MSH6: variants seen among roughly 807,000 people sequenced by gnomAD.
MSH6 encodes the protein DNA mismatch repair protein Msh6.
MSH6 carries 85 observed loss-of-function variants against 119.1 expected under a neutral mutation model. That is an observed-to-expected ratio of 0.71 (90% CI 0.60 to 0.85). MSH6 has a LOEUF of 0.85. Ranked by LOEUF, MSH6 falls within the 40% of genes least tolerant of loss-of-function variation. MSH6 has a pLI of 0.00. For missense variants in MSH6, 2,163 were observed against 1,655.3 expected (o/e 1.31, Z -5.32); for synonymous variants, 830 against 586.9 (o/e 1.41, Z -5.99).
At chr2:47,788,907 C>CTTTTTTTTTTTTTTTTT (rs1558650117) in intron 1 of MSH6, among the ~76,000 whole-genome samples, 3 of 17,278 alleles carry the variant, frequency 1.7e-4, no homozygotes, top group Non-Finnish European at 3.1e-4. Context: ...TTTCTTCTTC[C>CTTTTTTTTTTTTTTTTT]TTTTTTTTTT....
At chr2:47,792,091 C>G (rs190829709) in intron 2 of MSH6, among the ~76,000 whole-genome samples, 1 of 152,146 alleles carries the variant, frequency 6.6e-6, no homozygotes, top group South Asian at 2.1e-4. Flanking sequence ...AGTAATCCAC[C>G]CACCTCCCCC....
At chr2:47,790,384 T>G (rs887721927) in intron 1 of MSH6, among the ~76,000 whole-genome samples, 2 of 152,066 alleles carry the variant, frequency 1.3e-5, no homozygotes, top group African/African-American at 4.8e-5. Context: ...TTGACTTGAG[T>G]TTTTCCGTAG....
At chr2:47,809,056 A>G (rs2104620231), downstream of MSH6, 10 of 667,488 alleles carry the variant, frequency 1.5e-5, no homozygotes, top group Non-Finnish European at 2.6e-5. Context: ...TCAGTTAGTT[A>G]TAGTCTCAAC....
chr2:47,802,613 A>G (rs1420321707), intron 4 of MSH6, among the ~76,000 whole-genome samples: 5 of 147,842 alleles, frequency 3.4e-5, no homozygotes, highest in Non-Finnish European at 5.9e-5. Flanking sequence ...GATTACACGC[A>G]TGAGCCACTG....
In MSH6 at chr2:47,783,179, C is replaced by T. The variant is rs1419093086; in HGVS notation, c.-55C>T. 74 of 1,602,346 alleles carry T rather than the reference C, an allele frequency of 4.6e-5. No homozygotes were observed. Among genetic ancestry groups the T allele is most frequent in the Non-Finnish European group, 6.0e-5 (70 of 1,175,768 alleles). ...GCCAGCAGGAGCCGCGCGGTAGATGCGGTGCTTTTAGGAGCTCCGTCCGAC... is the reference window on the plus strand; with the variant it reads ...GCCAGCAGGAGCCGCGCGGTAGATGTGGTGCTTTTAGGAGCTCCGTCCGAC... On this transcript the variant is annotated 5_prime_UTR_variant, in exon 1 of 10. Coordinates refer to ENST00000234420, the MANE Select transcript of MSH6 (RefSeq NM_000179.3).
At chr2:47,783,580 G>A (rs963799859) in intron 1 of MSH6, 87 bp downstream of exon 1, 2 of 1,319,334 alleles carry the variant, frequency 1.5e-6, no homozygotes, top group Admixed American at 6.5e-5. Context: ...CAGGGGGTTG[G>A]GGGGGTGCAC....
At chr2:47,810,016 C>G (rs1670505304), downstream of MSH6, 1 of 488,836 alleles carries the variant, frequency 2.0e-6, no homozygotes, top group Non-Finnish European at 3.6e-6. Context: ...CTGGTAAATT[C>G]ATCTGAGGAA....
At chr2:47,803,302 C>A in intron 4 of MSH6, 118 bp from the exon 5 acceptor site, 1 of 1,333,820 alleles carries the variant, frequency 7.5e-7, no homozygotes, top group Non-Finnish European at 1.1e-6. Flanking sequence ...GATCGTTGGA[C>A]TGTAATTGAA....
downstream of MSH6, chr2:47,809,476 C>A (rs1670463470): frequency 2.6e-6 from 2 of 771,822 alleles, no homozygotes; most frequent in Non-Finnish European, 2.1e-6. Context: ...CTGTTTCTTT[C>A]AAAATCTATC....
At chr2:47,805,106 C>T (rs113095149) in intron 6 of MSH6, 79 bp downstream of exon 6, 1 of 938,790 alleles carries the variant, frequency 1.1e-6, no homozygotes, top group African/African-American at 1.6e-5. Flanking sequence ...TGTATATGAG[C>T]CTTTTAAATC....
At chr2:47,788,624 T>A (rs3136262) in intron 1 of MSH6, among the ~76,000 whole-genome samples, 1 of 136,192 alleles carries the variant, frequency 7.3e-6, no homozygotes, top group Non-Finnish European at 1.6e-5. Context: ...GGCTGGAGTG[T>A]AGTGGCATGA....
At chr2:47,804,428 G>C (rs1474007266) in intron 5 of MSH6, among the ~76,000 whole-genome samples, 1 of 152,028 alleles carries the variant, frequency 6.6e-6, no homozygotes, top group Non-Finnish European at 1.5e-5. Flanking sequence ...CTGCATTATA[G>C]TATACTTCTG....
rs1572698765 is a variant in MSH6 at position 47,783,574 on chromosome 2, G to A, written c.260+81G>A. On this transcript the variant is annotated intron_variant, in intron 1 of 9. Transcript: ENST00000234420. ...CCCGGCGAGGGGAGGCTCGCACAGGGGGTTGGGGGGGTGCACGGCCTGGCC... is the reference window on the plus strand; with the variant it reads ...CCCGGCGAGGGGAGGCTCGCACAGGAGGTTGGGGGGGTGCACGGCCTGGCC... 8 of 1,336,396 alleles carry A rather than the reference G, an allele frequency of 6.0e-6. No individual in the cohort carries two copies. In the South Asian group the frequency reaches 1.1e-4, roughly 19 times the overall value. 82.8% of individuals were successfully genotyped at this position (1,336,396 alleles called of 1,614,324 possible).
downstream of MSH6, chr2:47,807,038 T>C: frequency 3.2e-6 from 2 of 621,862 alleles, no homozygotes; most frequent in Non-Finnish European, 5.6e-6. Flanking sequence ...TACTCCACAA[T>C]ATATTAAGTC....
At chr2:47,791,172 G>T in intron 2 of MSH6, 49 bp downstream of exon 2, 1 of 1,549,748 alleles carries the variant, frequency 6.5e-7, no homozygotes, top group South Asian at 1.1e-5. Flanking sequence ...GTGTGTGTGT[G>T]TGTGAGAGAA....
chr2:47,796,997 T>C (rs767355571), intron 3 of MSH6, among the ~76,000 whole-genome samples: 9 of 152,096 alleles, frequency 5.9e-5, no homozygotes, highest in African/African-American at 1.9e-4. Context: ...AAAAATGTTA[T>C]AGAAGTGAAA....
rs780099145 is a variant in MSH6 at position 47,804,966 on chromosome 2, C to T, written c.3495C>T (p.Cys1165=). ...GTTGTTACGTCCCTGCTGAAGTGTG[C>T]AGGCTCACACCAATTGATAGAGTGT... is the stretch of plus-strand genomic sequence containing the variant. ...QMGCYVPAEV[C]RLTPIDRVFT... The change falls in exon 6 of 10, where the codon TGC becomes TGT. Residue 1165 remains cysteine, a synonymous_variant. Transcript: ENST00000234420. 1 of 1,614,124 alleles carries T rather than the reference C, an allele frequency of 6.2e-7. No homozygotes were observed. Among genetic ancestry groups the T allele is most frequent in the Non-Finnish European group, 8.5e-7 (1 of 1,179,978 alleles).
rs876658189 is a variant in MSH6, at chr2:47,806,624, A to C, written c.3974A>C (p.Lys1325Thr). Residue 1325 changes from lysine to threonine, a missense_variant, in exon 9 of 10, where the codon AAG becomes ACG. Coordinates refer to ENST00000234420, the MANE Select transcript of MSH6 (RefSeq NM_000179.3). ...CATAGAAAAGCAAGAGAATTTGAGA[A>C]GATGAATCAGTCACTACGATTATTT... ...KGHRKAREFE[K>T]MNQSLRLFRE... 6.2e-7 allele frequency: 1 copy of C among 1,612,290 alleles called. No homozygotes were observed. Among genetic ancestry groups the C allele is most frequent in the Non-Finnish European group, 8.5e-7 (1 of 1,179,806 alleles).
Position 47,783,437 on chromosome 2 carries a change from G to A in MSH6, c.204G>A (p.Lys68=), listed in dbSNP as rs864622565. The change falls in exon 1 of 10, where the codon AAG becomes AAA. Residue 68 remains lysine, a synonymous_variant. Coordinates refer to ENST00000234420, the MANE Select transcript of MSH6 (RefSeq NM_000179.3). ...RPLARSASPP[K]AKNLNGGLRR... is the part of the protein sequence containing the mutation. ...TGGCGCGCTCCGCGTCACCGCCCAA[G>A]GCGAAGAACCTCAACGGAGGGCTGC... 8 of 1,500,774 alleles carry A rather than the reference G, an allele frequency of 5.3e-6. No homozygotes were observed. Among genetic ancestry groups the A allele is most frequent in the African/African-American group, 4.3e-5 (3 of 69,298 alleles). The allele number at this position is 1,500,774 out of a possible 1,614,324, so 93.0% of individuals were successfully genotyped here. A position where few individuals can be genotyped will look rare whatever the true frequency, so the allele number is the denominator to read the frequency against.
Sources: allele counts gnomAD v4.1 joint callset (sites outside exome capture counted in the v4.1 genomes callset), GRCh38; gene constraint gnomAD v4.1.1; transcripts MANE v1.5; gene names NCBI Gene and HGNC (gene_info 2026-07-23, HGNC 2026-07-21).